Variants in ASTN2 observed in about 807,000 individuals in gnomAD.
The protein encoded by ASTN2 is astrotactin-2.
Under a neutral mutation model 139.8 loss-of-function variants are expected in ASTN2, and 54 were observed. That is an observed-to-expected ratio of 0.39 (90% CI 0.31 to 0.48). The LOEUF (loss-of-function observed/expected upper bound fraction) is 0.48. Ranked by LOEUF, ASTN2 falls within the 20% of genes least tolerant of loss-of-function variation. The pLI is 0.95. For synonymous variants in ASTN2, 756 were observed against 719.5 expected (o/e 1.05, Z -0.81); for missense variants, 1,565 against 1,725.1 (o/e 0.91, Z 1.64).
chr9:116,716,285 AC>A, intron 16 of ASTN2, among the ~76,000 whole-genome samples: 1 of 152,278 alleles, frequency 6.6e-6, no homozygotes, highest in East Asian at 1.9e-4. Context: ...GTAATGATGC[AC>A]ACACATATAC....
At chr9:117,257,048 A>G (rs1833706116) in intron 2 of ASTN2, among the ~76,000 whole-genome samples, 1 of 152,052 alleles carries the variant, frequency 6.6e-6, no homozygotes. Context: ...CAACTTATAG[A>G]AAAAAACCTC....
intron 20 of ASTN2, among the ~76,000 whole-genome samples, chr9:116,485,088 G>A (rs1021107735): frequency 4.6e-5 from 7 of 152,164 alleles, no homozygotes; most frequent in African/African-American, 1.7e-4. Context: ...GGATGGATGG[G>A]AGAAAGTTGA....
chr9:116,609,186 C>A (rs1342438878), intron 19 of ASTN2, among the ~76,000 whole-genome samples: 1 of 151,144 alleles, frequency 6.6e-6, no homozygotes. Context: ...CAAAAATTTT[C>A]CAAATTTAAT....
intron 5 of ASTN2, among the ~76,000 whole-genome samples, chr9:117,070,028 A>G (rs1051187311): frequency 6.0e-5 from 9 of 150,302 alleles, no homozygotes; most frequent in Admixed American, 1.3e-4. Context: ...TAATATTGTT[A>G]TGTGTGAGTT....
chr9:117,279,156 C>A (rs1447146641), intron 2 of ASTN2, among the ~76,000 whole-genome samples: 1 of 152,156 alleles, frequency 6.6e-6, no homozygotes, highest in Non-Finnish European at 1.5e-5. Context: ...AGGCTTGCCT[C>A]AATATCTCAT....
At chr9:116,882,611 C>T (rs1350479524) in intron 10 of ASTN2, among the ~76,000 whole-genome samples, 1 of 152,072 alleles carries the variant, frequency 6.6e-6, no homozygotes, top group Non-Finnish European at 1.5e-5. Flanking sequence ...AAATGAAAAT[C>T]TTGAGTGTAA....
intron 19 of ASTN2, among the ~76,000 whole-genome samples, chr9:116,489,393 G>A (rs1849441498): frequency 6.6e-6 from 1 of 151,938 alleles, no homozygotes; most frequent in South Asian, 2.1e-4. Context: ...CTGGAGTGCA[G>A]TGGTGCAACC....
chr9:117,404,936 AG>A (rs1232200579), intron 1 of ASTN2, among the ~76,000 whole-genome samples: 1 of 152,140 alleles, frequency 6.6e-6, no homozygotes, highest in Admixed American at 6.5e-5. Flanking sequence ...GAAACCAAGA[AG>A]GCACAGAAAC....
intron 17 of ASTN2, among the ~76,000 whole-genome samples, chr9:116,635,242 C>T (rs1264457386): frequency 6.6e-6 from 1 of 152,162 alleles, no homozygotes; most frequent in Non-Finnish European, 1.5e-5. Context: ...GCTCATATTA[C>T]TCCCATCTTA....
chr9:117,291,457 C>T lies in ASTN2; in HGVS notation c.499G>A (p.Glu167Lys), dbSNP rs1395972785. 4 of 1,613,940 alleles carry T rather than the reference C, an allele frequency of 2.5e-6. No individual in the cohort carries two copies. The highest frequency in any genetic ancestry group is 3.4e-6 in the Non-Finnish European group (4 of 1,179,976). Reference protein sequence around the residue: ...SLVHWRQQWLENGTLYFHVSM... With the variant: ...SLVHWRQQWLKNGTLYFHVSM... ...ACGTGGAAGTACAAGGTGCCATTCT[C>T]CAGCCACTGCTGTCTCCAGTGCACC... The change falls in exon 2 of 23, where the codon GAG becomes AAG. Residue 167 changes from glutamate to lysine, a missense_variant. Physicochemically the swap from Glu to Lys is moderately conservative, Grantham distance 56. Coordinates refer to ENST00000313400, the MANE Select transcript of ASTN2 (RefSeq NM_001365068.1).
chr9:117,084,217 A>G (rs760766515), intron 5 of ASTN2, among the ~76,000 whole-genome samples: 5 of 152,146 alleles, frequency 3.3e-5, no homozygotes, highest in Non-Finnish European at 7.3e-5. Context: ...TCTGTATTTT[A>G]CTGCATTTTA....
chr9:116,632,173 AGAGAGAGAGAGGGAGAG>A (rs1856793556), intron 17 of ASTN2, among the ~76,000 whole-genome samples: 2 of 30,820 alleles, frequency 6.5e-5, no homozygotes, highest in African/African-American at 2.9e-4. Flanking sequence ...AGAGAGAGAG[AGAGAGAGAGAGGGAGAG>A]AGAGAGAAAG....
chr9:117,356,051 C>T (rs1010033704), intron 1 of ASTN2, among the ~76,000 whole-genome samples: 5 of 152,120 alleles, frequency 3.3e-5, no homozygotes, highest in African/African-American at 1.2e-4. Context: ...CTAGATCCTC[C>T]CCCAAACCCT....
intron 3 of ASTN2, among the ~76,000 whole-genome samples, chr9:117,186,343 G>A (rs930508170): frequency 1.3e-5 from 2 of 151,592 alleles, no homozygotes; most frequent in Non-Finnish European, 2.9e-5. Context: ...TCAGGAGATC[G>A]AGACCACCCT....
chr9:117,249,764 T>C (rs1157650360), intron 2 of ASTN2, among the ~76,000 whole-genome samples: 4 of 151,922 alleles, frequency 2.6e-5, no homozygotes, highest in Non-Finnish European at 5.9e-5. Flanking sequence ...TCAAGCCGTA[T>C]TACTGGAAGT....
At chr9:116,975,433 G>A in intron 9 of ASTN2, 88 bp from the exon 10 acceptor site, 3 of 1,324,900 alleles carry the variant, frequency 2.3e-6, no homozygotes, top group Non-Finnish European at 3.0e-6. Flanking sequence ...CCCTTCTAGG[G>A]CAATTTCCTA....
intron 16 of ASTN2, among the ~76,000 whole-genome samples, chr9:116,674,780 T>C (rs1203623288): frequency 6.6e-6 from 1 of 152,144 alleles, no homozygotes; most frequent in Non-Finnish European, 1.5e-5. Context: ...ACTGACTCAG[T>C]GCAAGGAGAC....
At chr9:116,984,499 G>A (rs1162913552) in intron 7 of ASTN2, among the ~76,000 whole-genome samples, 1 of 152,134 alleles carries the variant, frequency 6.6e-6, no homozygotes, top group Admixed American at 6.5e-5. Context: ...GGTCACTTGA[G>A]ACCAACGTTC....
intron 11 of ASTN2, among the ~76,000 whole-genome samples, chr9:116,848,665 A>G (rs944079151): frequency 1.3e-5 from 2 of 152,150 alleles, no homozygotes; most frequent in African/African-American, 2.4e-5. Context: ...TAGGAAAAAC[A>G]AACTCAGTTT....
Sources: gnomAD v4.1 joint callset for allele counts (sites outside exome capture counted in the v4.1 genomes callset) on GRCh38, gnomAD v4.1.1 for gene constraint, MANE v1.5 for transcripts, NCBI Gene and HGNC (gene_info 2026-07-23, HGNC 2026-07-21) for gene names.